The following CLSTN2 variants were observed in gnomAD, a reference collection of about 807,000 sequenced individuals.
CLSTN2 encodes the protein calsyntenin 2.
CLSTN2 carries 48 observed loss-of-function variants against 101.2 expected under a neutral mutation model. The ratio of observed to expected loss-of-function variants is 0.47; its 90% CI spans 0.38 to 0.60. CLSTN2 has a LOEUF of 0.60. Ranked by LOEUF, CLSTN2 falls within the 20% of genes least tolerant of loss-of-function variation. The probability of loss-of-function intolerance (pLI) is 0.00; values close to 1 mark genes in which losing one functional copy is unlikely to be tolerated. For missense variants in CLSTN2, 1,160 were observed against 1,238.2 expected, an observed-to-expected ratio of 0.94 and a Z score of 0.95; for synonymous variants, 481 against 463.6, an observed-to-expected ratio of 1.04 and a Z score of -0.48.
At chr3:140,178,180 G>A (rs75318378) in intron 2 of CLSTN2, among the ~76,000 whole-genome samples, 2,678 of 152,148 alleles carry the variant, frequency 0.018, 89 homozygotes, top group African/African-American at 0.061. Flanking sequence ...AACCGAAGTC[G>A]TTGAATAAGC....
At chr3:140,046,862 G>C (rs912684963) in intron 1 of CLSTN2, among the ~76,000 whole-genome samples, 1 of 152,114 alleles carries the variant, frequency 6.6e-6, no homozygotes, top group Non-Finnish European at 1.5e-5. Context: ...GTCTTTCTTT[G>C]TTCCACATTT....
chr3:140,135,087 A>ACACACACACACAC (rs1553801553), intron 1 of CLSTN2, among the ~76,000 whole-genome samples: 8 of 51,428 alleles, frequency 1.6e-4, no homozygotes, highest in Admixed American at 3.4e-4. Context: ...CTCTCAAAAA[A>ACACACACACACAC]ACACACACAC....
At chr3:139,990,343 A>G (rs898038930) in intron 1 of CLSTN2, among the ~76,000 whole-genome samples, 1 of 152,176 alleles carries the variant, frequency 6.6e-6, no homozygotes, top group African/African-American at 2.4e-5. Flanking sequence ...GTGGAATATT[A>G]GGCCCAGTGT....
At chr3:140,502,061 G>A (rs1934586629) in intron 8 of CLSTN2, among the ~76,000 whole-genome samples, 1 of 152,184 alleles carries the variant, frequency 6.6e-6, no homozygotes, top group Non-Finnish European at 1.5e-5. Flanking sequence ...TGGGAGAATA[G>A]GCAATGCAAA....
intron 1 of CLSTN2, among the ~76,000 whole-genome samples, chr3:139,971,010 G>A (rs188377081): frequency 2.0e-5 from 3 of 152,250 alleles, no homozygotes; most frequent in Admixed American, 6.5e-5. Context: ...TTTGCCTTGA[G>A]GAAATCAATC....
intron 2 of CLSTN2, among the ~76,000 whole-genome samples, chr3:140,297,053 C>T (rs1282716495): frequency 6.6e-6 from 1 of 152,200 alleles, no homozygotes; most frequent in Non-Finnish European, 1.5e-5. Flanking sequence ...AGGTGAAATT[C>T]AAACCCTCCA....
At chr3:140,550,797 T>C (rs925313584) in intron 10 of CLSTN2, among the ~76,000 whole-genome samples, 1 of 151,398 alleles carries the variant, frequency 6.6e-6, no homozygotes, top group African/African-American at 2.5e-5. Context: ...GCTAATCTGA[T>C]TTTTCAGGAT....
intron 4 of CLSTN2, among the ~76,000 whole-genome samples, chr3:140,407,868 C>T (rs1460025616): frequency 1.3e-5 from 2 of 152,122 alleles, no homozygotes; most frequent in African/African-American, 2.4e-5. Context: ...AGTGTTAGCC[C>T]CAAGACCTTT....
At chr3:140,412,474 A>G (rs1483872372) in intron 4 of CLSTN2, among the ~76,000 whole-genome samples, 1 of 152,222 alleles carries the variant, frequency 6.6e-6, no homozygotes, top group Non-Finnish European at 1.5e-5. Context: ...GCTGTCCCAT[A>G]GGGAACTGGT....
chr3:140,524,935 C>T (rs528612004), intron 8 of CLSTN2, among the ~76,000 whole-genome samples: 1 of 152,146 alleles, frequency 6.6e-6, no homozygotes, highest in Non-Finnish European at 1.5e-5. Flanking sequence ...TCTTTGGATG[C>T]AGCTAAAGTT....
intron 2 of CLSTN2, among the ~76,000 whole-genome samples, chr3:140,303,041 G>T (rs1191197886): frequency 6.6e-6 from 1 of 152,188 alleles, no homozygotes; most frequent in Non-Finnish European, 1.5e-5. Context: ...CCCTTGAAGA[G>T]AACACAATCT....
intron 9 of CLSTN2, among the ~76,000 whole-genome samples, chr3:140,542,451 C>T (rs902936482): frequency 5.3e-5 from 8 of 152,028 alleles, no homozygotes; most frequent in Non-Finnish European, 1.0e-4. Context: ...TAAGATGATT[C>T]ATAAGCATGT....
At chr3:140,144,642 C>T (rs2009754784) in intron 1 of CLSTN2, among the ~76,000 whole-genome samples, 1 of 152,032 alleles carries the variant, frequency 6.6e-6, no homozygotes, top group Admixed American at 6.6e-5. Context: ...TAAAATGCTT[C>T]CACCCATCTC....
chr3:140,310,880 A>T (rs1437114641), intron 2 of CLSTN2, among the ~76,000 whole-genome samples: 1 of 152,226 alleles, frequency 6.6e-6, no homozygotes, highest in East Asian at 1.9e-4. Context: ...ATGAATATTA[A>T]TTGTGTACCT....
intron 2 of CLSTN2, among the ~76,000 whole-genome samples, chr3:140,244,185 C>T (rs533159446): frequency 1.9e-4 from 29 of 152,330 alleles, no homozygotes; most frequent in African/African-American, 7.0e-4. Flanking sequence ...TCTCCTTGTA[C>T]TGCCTGCACC....
chr3:140,278,478 A>G (rs1026346061), intron 2 of CLSTN2, among the ~76,000 whole-genome samples: 1 of 152,128 alleles, frequency 6.6e-6, no homozygotes, highest in Non-Finnish European at 1.5e-5. Flanking sequence ...TTAGCCTTCC[A>G]GTAACTCCAG....
At chr3:140,478,711 C>A (rs4683500) in intron 8 of CLSTN2, among the ~76,000 whole-genome samples, 1 of 150,312 alleles carries the variant, frequency 6.7e-6, no homozygotes, top group South Asian at 2.1e-4. Flanking sequence ...ACACTTACAA[C>A]GAGTGAATCT....
chr3:140,256,164 A>G (rs1486179661), intron 2 of CLSTN2, among the ~76,000 whole-genome samples: 2 of 152,150 alleles, frequency 1.3e-5, no homozygotes, highest in Non-Finnish European at 2.9e-5. Context: ...TCTTCAAAAC[A>G]TCCATGCAGC....
chr3:140,171,165 G>A (rs778564818), intron 1 of CLSTN2, among the ~76,000 whole-genome samples: 14 of 152,108 alleles, frequency 9.2e-5, no homozygotes, highest in South Asian at 2.1e-4. Flanking sequence ...AAGGAGTGTG[G>A]GGACAGCCCA....
Sources: allele counts gnomAD v4.1 joint callset (sites outside exome capture counted in the v4.1 genomes callset), GRCh38; gene constraint gnomAD v4.1.1; transcripts MANE v1.5; gene names NCBI Gene and HGNC (gene_info 2026-07-23, HGNC 2026-07-21).